Variants in MFHAS1 observed in about 807,000 individuals in gnomAD.
MFHAS1 encodes malignant fibrous histiocytoma-amplified sequence 1.
In MFHAS1, 50 loss-of-function variants were observed where a neutral mutation model predicts 70.4. The observed-to-expected ratio is 0.71, with a 90% CI of 0.57 to 0.90. MFHAS1 has a LOEUF of 0.90. Among genes scored for constraint, MFHAS1 ranks in the 40% least tolerant of loss-of-function variants. The pLI is 0.00. For missense variants in MFHAS1, 1,795 were observed against 1,347.6 expected (o/e 1.33, Z -5.20); for synonymous variants, 952 against 620.0 (o/e 1.54, Z -7.96).
rs553463473 is a variant in MFHAS1 at position 8,802,863 on chromosome 8, G to C, written c.2999-5372C>G. Among the ~76,000 whole-genome samples, 6 of 152,286 alleles carry C rather than the reference G, an allele frequency of 3.9e-5. No homozygotes were observed. In the East Asian group the frequency reaches 1.2e-3, roughly 29 times the overall value. On this transcript the variant is annotated intron_variant, in intron 1 of 2. Transcript: ENST00000276282. ...GTGGTCCCTGGAAGGCCACCCACAC[G>C]GGATGCTGAATTCATGGGGAAGGCA...
intron 1 of MFHAS1, among the ~76,000 whole-genome samples, chr8:8,839,618 C>G (rs536821788): frequency 1.3e-5 from 2 of 152,304 alleles, no homozygotes; most frequent in East Asian, 3.9e-4. Flanking sequence ...CTCTGCAGAT[C>G]TGATGATGGC....
chr8:8,890,386 T>C lies in MFHAS1; in HGVS notation c.2673A>G (p.Pro891=). ...QIEYSFPFTF[P]LGLFARYSVQ... ...CACTGTAGCGTGCAAACAACCCAAG[T>C]GGAAAAGTAAAAGGAAAGCTATATT... Residue 891 remains proline, a synonymous_variant, in exon 1 of 3, where the codon CCA becomes CCG. Transcript: ENST00000276282. The C allele has an allele frequency of 6.2e-7, 1 of 1,613,878 alleles. No homozygotes were observed. The highest frequency in any genetic ancestry group is 8.5e-7 in the Non-Finnish European group (1 of 1,180,002).
At chr8:8,837,840 T>C (rs1807658732) in intron 1 of MFHAS1, among the ~76,000 whole-genome samples, 2 of 152,108 alleles carry the variant, frequency 1.3e-5, no homozygotes, top group African/African-American at 4.8e-5. Context: ...TGTAAAATGG[T>C]ACAACCGCTA....
At chr8:8,872,202 C>G (rs1305295730) in intron 1 of MFHAS1, among the ~76,000 whole-genome samples, 1 of 152,182 alleles carries the variant, frequency 6.6e-6, no homozygotes, top group African/African-American at 2.4e-5. Context: ...TCTTCAAAAG[C>G]AAATATTTGT....
rs780580102 is a variant in MFHAS1 at position 8,891,614 on chromosome 8, T to C, written c.1445A>G (p.Glu482Gly). 8 of 1,613,414 alleles carry C rather than the reference T, an allele frequency of 5.0e-6. No homozygotes were observed. The highest frequency in any genetic ancestry group is 2.2e-5 in the East Asian group (1 of 44,884). The change falls in exon 1 of 3, where the codon GAA becomes GGA. Residue 482 changes from glutamate (E) to glycine (G), a missense_variant. Transcript: ENST00000276282. The surrounding 1 kb of genome is among the most constrained non-coding windows in gnomAD (Gnocchi z 5.4). ...GAAGGGCTGGATCACCTCATAACTT[T>C]CATCCCCAGCTAAGTCATACACGAT... is the stretch of plus-strand genomic sequence containing the variant. ...RFIVYDLAGDESYEVIQPFFL... is the reference protein window; with the variant it reads ...RFIVYDLAGDGSYEVIQPFFL...
At chr8:8,851,790 G>A (rs1585051762) in intron 1 of MFHAS1, among the ~76,000 whole-genome samples, 1 of 152,226 alleles carries the variant, frequency 6.6e-6, no homozygotes, top group East Asian at 1.9e-4. Context: ...TAAAGTAATA[G>A]TAAACTAAGG....
chr8:8,892,760 G>C lies in MFHAS1; in HGVS notation c.299C>G (p.Ala100Gly), dbSNP rs902655965. ...RVLVLRRNRF[A>G]RLPPAVAELG... ...CTCGGCCACCGCCGGGGGCAGCCGG[G>C]CGAAGCGGTTCCTGCGCAGGACCAG... Residue 100 changes from alanine (A) to glycine (G), a missense_variant, in exon 1 of 3, where the codon GCC becomes GGC. By Grantham distance (60) the Ala-to-Gly change is moderately conservative (BLOSUM62 0). Transcript: ENST00000276282. The surrounding 1 kb of genome is among the most constrained non-coding windows in gnomAD (Gnocchi z 4.7). 3 of 1,578,264 alleles carry C rather than the reference G, an allele frequency of 1.9e-6. No homozygotes were observed. The highest frequency in any genetic ancestry group is 1.4e-5 in the African/African-American group (1 of 74,014).
chr8:8,795,292 T>C (rs1805853911), intron 2 of MFHAS1, among the ~76,000 whole-genome samples: 1 of 152,166 alleles, frequency 6.6e-6, no homozygotes, highest in South Asian at 2.1e-4. Context: ...GGGACCAATA[T>C]GTACAATTTC....
chr8:8,874,733 A>G (rs921345290), intron 1 of MFHAS1, among the ~76,000 whole-genome samples: 1 of 152,186 alleles, frequency 6.6e-6, no homozygotes, highest in African/African-American at 2.4e-5. Context: ...AAGCTCTAGA[A>G]GAAATCACAG....
At chr8:8,840,071 T>C (rs1250677673) in intron 1 of MFHAS1, among the ~76,000 whole-genome samples, 35 of 152,196 alleles carry the variant, frequency 2.3e-4, no homozygotes, top group Non-Finnish European at 7.3e-5. Context: ...TTTTAAGGAA[T>C]TGTTATCCAT....
Position 8,890,260 on chromosome 8 carries a change from C to A in MFHAS1, c.2799G>T (p.Arg933Ser). The change falls in exon 1 of 3, where the codon AGG becomes AGT. Residue 933 changes from arginine to serine, a missense_variant. Physicochemically the swap from Arg to Ser is moderately radical, Grantham distance 110. Transcript: ENST00000276282. Reference sequence around the variant, plus strand: ...ACAGGGTGTCTGGCTGCAGGACTCCCCTGGCAGGTCTGTAACTCACAACCA... The same window carrying A: ...ACAGGGTGTCTGGCTGCAGGACTCCACTGGCAGGTCTGTAACTCACAACCA... ...VPVVVSYRPA[R>S]GVLQPDTLSI... The A allele has an allele frequency of 6.2e-7, 1 of 1,614,122 alleles. No individual in the cohort carries two copies. Among genetic ancestry groups the A allele is most frequent in the Non-Finnish European group, 8.5e-7 (1 of 1,180,018 alleles).
chr8:8,882,307 T>G (rs559957009), intron 1 of MFHAS1, among the ~76,000 whole-genome samples: 1 of 152,110 alleles, frequency 6.6e-6, no homozygotes, highest in Non-Finnish European at 1.5e-5. Flanking sequence ...GGAGAATCAC[T>G]TGAACCCAGG....
At chr8:8,843,792 G>C (rs1025065191) in intron 1 of MFHAS1, among the ~76,000 whole-genome samples, 2 of 152,158 alleles carry the variant, frequency 1.3e-5, no homozygotes. Context: ...TTACAGGCTG[G>C]AAAAGGAGTC....
chr8:8,815,174 T>A (rs547141726), intron 1 of MFHAS1, among the ~76,000 whole-genome samples: 108 of 152,312 alleles, frequency 7.1e-4, no homozygotes, highest in African/African-American at 2.5e-3. Context: ...GCTCCAACCA[T>A]GTCCCTGCAA....
At chr8:8,852,719 A>G (rs1808293231) in intron 1 of MFHAS1, among the ~76,000 whole-genome samples, 2 of 152,158 alleles carry the variant, frequency 1.3e-5, no homozygotes, top group South Asian at 4.2e-4. Flanking sequence ...CCAGAGAAAA[A>G]GCTTTCTATT....
intron 1 of MFHAS1, among the ~76,000 whole-genome samples, chr8:8,888,667 G>C (rs1809866286): frequency 6.6e-6 from 1 of 152,190 alleles, no homozygotes. Context: ...CAAAACTTAT[G>C]GAGACAGTAA....
At chr8:8,794,944 C>A (rs1430021385) in intron 2 of MFHAS1, among the ~76,000 whole-genome samples, 1 of 152,096 alleles carries the variant, frequency 6.6e-6, no homozygotes, top group Non-Finnish European at 1.5e-5. Context: ...GGTCTTTCTG[C>A]GGCAGTACAA....
At chr8:8,856,386 CA>C (rs1350575809) in intron 1 of MFHAS1, among the ~76,000 whole-genome samples, 1 of 152,094 alleles carries the variant, frequency 6.6e-6, no homozygotes, top group Non-Finnish European at 1.5e-5. Context: ...CCCCGTATTT[CA>C]AGATCAAACA....
intron 1 of MFHAS1, among the ~76,000 whole-genome samples, chr8:8,884,155 G>A (rs1809659239): frequency 6.6e-6 from 1 of 151,840 alleles, no homozygotes; most frequent in Non-Finnish European, 1.5e-5. Flanking sequence ...GGACTTAAGA[G>A]TCTATTCCAG....
Sources: allele counts gnomAD v4.1 joint callset (sites outside exome capture counted in the v4.1 genomes callset), GRCh38; gene constraint gnomAD v4.1.1; non-coding constraint Gnocchi (gnomAD v3.1); transcripts MANE v1.5; gene names NCBI Gene and HGNC (gene_info 2026-07-23, HGNC 2026-07-21).